ODF2: variants seen among roughly 807,000 people sequenced by gnomAD.
ODF2 encodes outer dense fiber protein 2.
ODF2 carries 47 observed loss-of-function variants against 110.2 expected under a neutral mutation model. The observed-to-expected ratio is 0.43, with a 90% confidence interval of 0.34 to 0.54. The LOEUF (loss-of-function observed/expected upper bound fraction) is 0.54, where lower values mean the gene tolerates loss of function less well. Among genes scored for constraint, ODF2 ranks in the 20% least tolerant of loss-of-function variants. ODF2 has a pLI of 0.03. For synonymous variants in ODF2, 352 were observed against 397.7 expected, an observed-to-expected ratio of 0.89 and a Z score of 1.37; for missense variants, 812 against 1,054.5, an observed-to-expected ratio of 0.77 and a Z score of 3.19.
At chr9:128,468,049 A>G (rs1325412457) in intron 4 of ODF2, among the ~76,000 whole-genome samples, 2 of 152,116 alleles carry the variant, frequency 1.3e-5, no homozygotes, top group Non-Finnish European at 2.9e-5. Flanking sequence ...TTTTAATACA[A>G]TACTTTCCAG....
intron 4 of ODF2, among the ~76,000 whole-genome samples, chr9:128,463,146 C>T (rs1836940690): frequency 6.6e-6 from 1 of 151,814 alleles, no homozygotes; most frequent in South Asian, 2.1e-4. Context: ...CTTGTAATTC[C>T]AGCTACTCAG....
chr9:128,455,902 G>T, upstream of ODF2: 1 of 1,318,916 alleles, frequency 7.6e-7, no homozygotes, highest in South Asian at 1.7e-5. Context: ...ACAGGGCCGA[G>T]CGGGAAAGGC....
intron 5 of ODF2, 60 bp from the exon 6 acceptor site, chr9:128,471,248 C>A: frequency 1.3e-6 from 2 of 1,510,092 alleles, no homozygotes; most frequent in South Asian, 1.3e-5. Context: ...TTGAGCCTAG[C>A]AATGTGGCAT....
chr9:128,472,565 G>A (rs1367012886), intron 6 of ODF2, among the ~76,000 whole-genome samples: 1 of 152,204 alleles, frequency 6.6e-6, no homozygotes, highest in Non-Finnish European at 1.5e-5. Context: ...TGGCTGCAGT[G>A]TAGAGAAGAG....
chr9:128,496,372 CCCACCTGTAGGCA>C, intron 18 of ODF2: 1 of 1,376,598 alleles, frequency 7.3e-7, no homozygotes, highest in Non-Finnish European at 9.6e-7. Context: ...TCAGGATCTG[CCCACCTGTAGGCA>C]CCACCTGTCC....
intron 2 of ODF2, among the ~76,000 whole-genome samples, chr9:128,458,553 G>A (rs1835555669): frequency 1.4e-5 from 2 of 147,478 alleles, no homozygotes; most frequent in Admixed American, 1.4e-4. Context: ...ACTGCTGAAA[G>A]ATTTTGGAGC....
Position 128,488,041 on chromosome 9 carries a change from TG to T in ODF2, c.1536+20del, listed in dbSNP as rs755645007. The stretch of plus-strand genomic sequence containing the variant: ...GAGGCTGAAGGTTCGCAGTGAGAGC[TG>T]GGGACCAGGCAGCTGGATGGGGCCC... On this transcript the variant is annotated intron_variant, in intron 14 of 20. Transcript: ENST00000604420. The T allele has an allele frequency of 1.9e-6, 3 of 1,613,042 alleles. No individual in the cohort carries two copies. The highest frequency in any genetic ancestry group is 2.5e-6 in the Non-Finnish European group (3 of 1,179,672).
chr9:128,494,933 CCTCTGCCTGT>C lies in ODF2; in HGVS notation c.1911+266_1911+275del. ...CTGTTGCCCCCACCCAAGACTGCTG[CCTCTGCCTGT>C]GTGCTCCGCAGCTGTCCTCAGCTCC... On this transcript the variant is annotated intron_variant, in intron 17 of 20. Transcript: ENST00000604420. The surrounding 1 kb of genome is among the most constrained non-coding windows in gnomAD (Gnocchi z 4.6). 1 of 1,057,422 alleles carries C rather than the reference CCTCTGCCTGT, an allele frequency of 9.5e-7. No individual in the cohort carries two copies. The highest frequency in any genetic ancestry group is 1.3e-6 in the Non-Finnish European group (1 of 758,126). 65.5% of individuals were successfully genotyped at this position (1,057,422 alleles called of 1,614,324 possible).
chr9:128,463,777 A>G (rs1162308024), intron 4 of ODF2, among the ~76,000 whole-genome samples: 1 of 152,216 alleles, frequency 6.6e-6, no homozygotes, highest in Non-Finnish European at 1.5e-5. Context: ...GTTTTCTAGG[A>G]GAATATGCAA....
At chr9:128,488,741 C>T (rs373051541) in intron 14 of ODF2, among the ~76,000 whole-genome samples, 2 of 152,078 alleles carry the variant, frequency 1.3e-5, no homozygotes, top group Admixed American at 6.5e-5. Context: ...GCCGGGCTCA[C>T]GTCTGTAATC....
chr9:128,465,353 A>G (rs1164414910), intron 4 of ODF2, among the ~76,000 whole-genome samples: 1 of 152,228 alleles, frequency 6.6e-6, no homozygotes, highest in Non-Finnish European at 1.5e-5. Context: ...AAGCTGCTGT[A>G]TGCATGTGGG....
chr9:128,496,607 G>T (rs1845598492), intron 18 of ODF2, among the ~76,000 whole-genome samples: 1 of 152,236 alleles, frequency 6.6e-6, no homozygotes, highest in Non-Finnish European at 1.5e-5. Context: ...AGAAGCCCTG[G>T]CCTTGGGGCC....
intron 10 of ODF2, 33 bp downstream of exon 10, chr9:128,482,920 G>C (rs757641730): frequency 1.3e-6 from 2 of 1,485,224 alleles, no homozygotes; most frequent in Non-Finnish European, 1.8e-6. Context: ...TTTTTTAGAC[G>C]GAGTCTCGCT....
At chr9:128,469,161 G>A in intron 4 of ODF2, 22 bp from the exon 5 acceptor site, 1 of 1,610,232 alleles carries the variant, frequency 6.2e-7, no homozygotes, top group South Asian at 1.1e-5. Flanking sequence ...GAGTTCATGT[G>A]TTTCTCCCTC....
At chr9:128,474,417 T>G (rs1840773337) in intron 8 of ODF2, among the ~76,000 whole-genome samples, 1 of 151,332 alleles carries the variant, frequency 6.6e-6, no homozygotes. Flanking sequence ...TGCTTGAACC[T>G]GGGAGGCGGA....
At position 128,457,560 on chromosome 9, in the gene ODF2, C is replaced by T. The variant is rs143024654; in HGVS notation, c.32+123C>T. 1,038 of 1,296,510 alleles carry T rather than the reference C, an allele frequency of 8.0e-4. 24 individuals carry two copies. The East Asian group carries it at 0.025, about 31-fold the overall frequency. 80.3% of individuals were successfully genotyped at this position (1,296,510 alleles called of 1,614,324 possible). ...TGTTTGCTGAAAGTCTGGACCAAAA[C>T]GTTTAAAAATCGTTTTTAAAGGGAA... On this transcript the variant is annotated intron_variant, in intron 2 of 20. Coordinates refer to ENST00000604420, the Ensembl canonical transcript of ODF2.
In ODF2 at chr9:128,456,499, C is replaced by A. The variant is rs1258829214; in HGVS notation, c.-209+244C>A. On this transcript the variant is annotated intron_variant, in intron 1 of 20. Transcript: ENST00000604420. Reference sequence around the variant, plus strand: ...TTCCTCTCTTGGCTACCACGGGGCTCTGCCCCTCCTCTGCCGCCCGCGGGC... The same window carrying A: ...TTCCTCTCTTGGCTACCACGGGGCTATGCCCCTCCTCTGCCGCCCGCGGGC... 6 of 1,526,686 alleles carry A rather than the reference C, an allele frequency of 3.9e-6. No homozygotes were observed. In the Admixed American group the frequency reaches 1.2e-4, roughly 30 times the overall value. 94.6% of individuals were successfully genotyped at this position (1,526,686 alleles called of 1,614,324 possible). A position where few individuals can be genotyped will look rare whatever the true frequency, so the allele number is the denominator to read the frequency against.
At chr9:128,475,701 A>G (rs750140041) in intron 8 of ODF2, among the ~76,000 whole-genome samples, 1 of 151,584 alleles carries the variant, frequency 6.6e-6, no homozygotes, top group Non-Finnish European at 1.5e-5. Context: ...GTTGGAGTAC[A>G]GTGGCGCGAT....
At position 128,473,758 on chromosome 9, in the gene ODF2, G is replaced by C; in HGVS notation, c.843+17G>C. The stretch of plus-strand genomic sequence containing the variant: ...TGCAAAGAGGTGAGCTTGGGGCCTG[G>C]CTCTTTCCCTCCAGCTCTGCATGCC... On this transcript the variant is annotated intron_variant, in intron 8 of 20. Transcript: ENST00000604420. The C allele has an allele frequency of 6.2e-7, 1 of 1,609,846 alleles. No homozygotes were observed.
Sources: gnomAD v4.1 joint callset for allele counts (sites outside exome capture counted in the v4.1 genomes callset) on GRCh38, gnomAD v4.1.1 for gene constraint, Gnocchi (gnomAD v3.1) non-coding constraint, MANE v1.5 for transcripts, NCBI Gene and HGNC (gene_info 2026-07-23, HGNC 2026-07-21) for gene names.